Variants in HEMK2 observed in about 807,000 individuals in gnomAD.
HEMK2 encodes methyltransferase HEMK2.
chr21:28,604,444 G>C, the HEMK2 span, among the ~76,000 whole-genome samples: 2 of 152,150 alleles, frequency 1.3e-5, no homozygotes, highest in Non-Finnish European at 2.9e-5. Context: ...TCAAATTTCT[G>C]CCTGTCACAG....
At chr21:28,747,905 G>C in the HEMK2 span, among the ~76,000 whole-genome samples, 1 of 152,118 alleles carries the variant, frequency 6.6e-6, no homozygotes, top group African/African-American at 2.4e-5. Flanking sequence ...AGAGAGATAG[G>C]GTATCTCTTA....
the HEMK2 span, among the ~76,000 whole-genome samples, chr21:28,639,545 G>A: frequency 6.6e-6 from 1 of 152,196 alleles, no homozygotes; most frequent in South Asian, 2.1e-4. Context: ...ACAGAACACA[G>A]AAGGAAATTC....
At chr21:28,711,556 G>A in the HEMK2 span, among the ~76,000 whole-genome samples, 2 of 152,076 alleles carry the variant, frequency 1.3e-5, no homozygotes, top group African/African-American at 4.8e-5. Flanking sequence ...TGATAGAGAA[G>A]AGGCAAAAAA....
At chr21:28,843,002 G>C in the HEMK2 span, among the ~76,000 whole-genome samples, 2 of 152,108 alleles carry the variant, frequency 1.3e-5, no homozygotes, top group Non-Finnish European at 2.9e-5. Context: ...TGATAAAATT[G>C]TTGAACTGTA....
At chr21:28,723,010 T>TA in the HEMK2 span, among the ~76,000 whole-genome samples, 1,105 of 143,188 alleles carry the variant, frequency 7.7e-3, 10 homozygotes, top group East Asian at 0.04. Flanking sequence ...TTTCTTTTAT[T>TA]AAAAAAAAAA....
At chr21:28,794,103 A>G in the HEMK2 span, among the ~76,000 whole-genome samples, 1 of 152,206 alleles carries the variant, frequency 6.6e-6, no homozygotes, top group Non-Finnish European at 1.5e-5. Context: ...TCCTTCAGAA[A>G]ACAAAAATAG....
chr21:28,748,797 C>G, the HEMK2 span, among the ~76,000 whole-genome samples: 64 of 152,266 alleles, frequency 4.2e-4, 1 homozygote, highest in African/African-American at 1.5e-3. Flanking sequence ...TGCCCTGTTC[C>G]TTAGAACTTT....
chr21:28,869,056 C>T, the HEMK2 span, among the ~76,000 whole-genome samples: 5 of 151,622 alleles, frequency 3.3e-5, no homozygotes, highest in African/African-American at 7.3e-5. Flanking sequence ...GCAATTTTCT[C>T]GTTTCTGATT....
chr21:28,648,855 T>C, the HEMK2 span, among the ~76,000 whole-genome samples: 1 of 152,114 alleles, frequency 6.6e-6, no homozygotes, highest in South Asian at 2.1e-4. Flanking sequence ...TACATATGTA[T>C]ACATGTGCCA....
the HEMK2 span, among the ~76,000 whole-genome samples, chr21:28,597,833 T>C: frequency 4.6e-5 from 7 of 152,178 alleles, no homozygotes; most frequent in Admixed American, 3.9e-4. Context: ...GCAAATCCTA[T>C]GTAGAAATAA....
chr21:28,601,560 C>T, the HEMK2 span, among the ~76,000 whole-genome samples: 12 of 151,146 alleles, frequency 7.9e-5, no homozygotes, highest in African/African-American at 2.4e-4. Context: ...TATCTCCTCC[C>T]TTGGTTTTAG....
the HEMK2 span, among the ~76,000 whole-genome samples, chr21:28,816,716 A>T: frequency 1.3e-5 from 2 of 152,210 alleles, no homozygotes; most frequent in Non-Finnish European, 2.9e-5. Context: ...GAAGAGATAC[A>T]GCTGAAGAAT....
At chr21:28,802,225 A>G in the HEMK2 span, among the ~76,000 whole-genome samples, 1 of 152,224 alleles carries the variant, frequency 6.6e-6, no homozygotes, top group Non-Finnish European at 1.5e-5. Context: ...ATGTACAGAC[A>G]TATCTGTAAG....
the HEMK2 span, among the ~76,000 whole-genome samples, chr21:28,881,312 C>T: frequency 6.6e-6 from 1 of 152,166 alleles, no homozygotes; most frequent in South Asian, 2.1e-4. Context: ...TGGGATGGAA[C>T]TATGAGGCAT....
At chr21:28,791,961 C>T in the HEMK2 span, among the ~76,000 whole-genome samples, 1 of 152,128 alleles carries the variant, frequency 6.6e-6, no homozygotes, top group Non-Finnish European at 1.5e-5. Flanking sequence ...AGAAAGCCCA[C>T]CAAAGATGGT....
chr21:28,672,945 A>G, the HEMK2 span, among the ~76,000 whole-genome samples: 63 of 152,020 alleles, frequency 4.1e-4, no homozygotes, highest in African/African-American at 1.4e-3. Flanking sequence ...AAAAAGAAGG[A>G]AGGCAGAGAG....
chr21:28,864,496 G>A, the HEMK2 span, among the ~76,000 whole-genome samples: 4 of 152,096 alleles, frequency 2.6e-5, no homozygotes, highest in African/African-American at 9.7e-5. Context: ...GTCCTTTGAT[G>A]AGCTCATTCA....
At chr21:28,715,650 T>C in the HEMK2 span, among the ~76,000 whole-genome samples, 2 of 152,202 alleles carry the variant, frequency 1.3e-5, no homozygotes, top group African/African-American at 4.8e-5. Context: ...TTTCATTATG[T>C]CTCACTTGTC....
At chr21:28,606,330 C>A in the HEMK2 span, among the ~76,000 whole-genome samples, 1 of 152,268 alleles carries the variant, frequency 6.6e-6, no homozygotes, top group Non-Finnish European at 1.5e-5. Flanking sequence ...ATCATTACAA[C>A]TAAAACAGTG....
Sources: gnomAD v4.1 joint callset for allele counts (sites outside exome capture counted in the v4.1 genomes callset) on GRCh38, gnomAD v4.1.1 for gene constraint, MANE v1.5 for transcripts, NCBI Gene and HGNC (gene_info 2026-07-23, HGNC 2026-07-21) for gene names.